The following MICU3 variants were observed in gnomAD, a reference collection of about 807,000 sequenced individuals.
MICU3 encodes the protein calcium uptake protein 3, mitochondrial.
Under a neutral mutation model 66.5 loss-of-function variants are expected in MICU3, and 62 were observed. The observed-to-expected ratio is 0.93, with a 90% CI of 0.76 to 1.15. The LOEUF is 1.15. Ranked by LOEUF, MICU3 falls within the 50% of genes most tolerant of loss-of-function variation. The pLI is 0.00. For missense variants in MICU3, 779 were observed against 664.4 expected, an observed-to-expected ratio of 1.17 and a Z score of -1.90; for synonymous variants, 308 against 240.7, an observed-to-expected ratio of 1.28 and a Z score of -2.59.
At chr8:17,075,401 G>A (rs1820229887) in intron 3 of MICU3, among the ~76,000 whole-genome samples, 2 of 152,132 alleles carry the variant, frequency 1.3e-5, no homozygotes, top group African/African-American at 4.8e-5. Context: ...TTTCTGGTAA[G>A]CAGTTCCCCT....
chr8:17,094,627 C>G (rs904704526), intron 8 of MICU3, among the ~76,000 whole-genome samples: 1 of 151,878 alleles, frequency 6.6e-6, no homozygotes, highest in South Asian at 2.1e-4. Context: ...AAGTGACAGG[C>G]TCTCGCTTGG....
At chr8:17,075,913 T>C (rs1820320469) in intron 3 of MICU3, among the ~76,000 whole-genome samples, 1 of 152,156 alleles carries the variant, frequency 6.6e-6, no homozygotes, top group South Asian at 2.1e-4. Flanking sequence ...ACAGATGAGG[T>C]TGGAAGACAT....
chr8:17,027,845 G>C (rs535766651), intron 1 of MICU3, among the ~76,000 whole-genome samples, 185 bp downstream of exon 1: 6 of 152,336 alleles, frequency 3.9e-5, no homozygotes, highest in East Asian at 1.9e-4. Context: ...GGGAAGACCA[G>C]TGATGCTGTC....
At chr8:17,094,895 C>T (rs1246421879) in intron 8 of MICU3, among the ~76,000 whole-genome samples, 1 of 152,012 alleles carries the variant, frequency 6.6e-6, no homozygotes, top group African/African-American at 2.4e-5. Flanking sequence ...CTCTTAATTT[C>T]TCCTTAACAG....
At chr8:17,057,835 C>CTTA (rs1817182672) in intron 1 of MICU3, among the ~76,000 whole-genome samples, 1 of 150,420 alleles carries the variant, frequency 6.6e-6, no homozygotes, top group Non-Finnish European at 1.5e-5. Context: ...TGTTGTTGTT[C>CTTA]TTGTTGTTGT....
chr8:17,041,897 G>C (rs991348776), intron 1 of MICU3, among the ~76,000 whole-genome samples: 2 of 152,142 alleles, frequency 1.3e-5, no homozygotes, highest in Non-Finnish European at 2.9e-5. Context: ...CATCTTCTCG[G>C]AGCAAGATAC....
At chr8:17,034,238 G>A (rs1812583276) in intron 1 of MICU3, among the ~76,000 whole-genome samples, 1 of 152,178 alleles carries the variant, frequency 6.6e-6, no homozygotes, top group Non-Finnish European at 1.5e-5. Flanking sequence ...TTTACTGATT[G>A]TTTTAAGCTC....
chr8:17,028,292 G>A (rs529546967), intron 1 of MICU3, among the ~76,000 whole-genome samples: 1 of 152,124 alleles, frequency 6.6e-6, no homozygotes, highest in Non-Finnish European at 1.5e-5. Flanking sequence ...AGTAGGTAAC[G>A]ATAAAACACA....
chr8:17,052,373 C>T (rs1174191101), intron 1 of MICU3, among the ~76,000 whole-genome samples: 1 of 152,262 alleles, frequency 6.6e-6, no homozygotes, highest in East Asian at 1.9e-4. Context: ...CAAATCTTCT[C>T]TTCTAGCTAT....
At chr8:17,110,821 C>T (rs374958711) in intron 11 of MICU3, among the ~76,000 whole-genome samples, 45 of 152,026 alleles carry the variant, frequency 3.0e-4, no homozygotes, top group African/African-American at 1.0e-3. Flanking sequence ...AAGTGATCCT[C>T]CCACCTCAAC....
At chr8:17,082,004 A>G (rs756089889) in intron 5 of MICU3, 1 of 288,262 alleles carries the variant, frequency 3.5e-6, no homozygotes, top group Non-Finnish European at 6.5e-6. Flanking sequence ...AATCTACCTC[A>G]GACTCCAAAG....
intron 2 of MICU3, 78 bp from the exon 3 acceptor site, chr8:17,069,610 T>A (rs1819240825): frequency 1.1e-6 from 1 of 893,296 alleles, no homozygotes; most frequent in African/African-American, 1.7e-5. Context: ...TGAGTTATGG[T>A]TGTAGATGGT....
Position 17,039,895 on chromosome 8 carries a change from C to CTTTTTTTTTTT in MICU3, c.381+12254_381+12264dup, listed in dbSNP as rs35133600. On this transcript the variant is annotated intron_variant, in intron 1 of 14. Coordinates refer to ENST00000318063, the MANE Select transcript of MICU3 (RefSeq NM_181723.3). ...ATGAAGGTATCCATCATCTTGCATTCTTTTTTTTTTTTTTTTTTTTTTTTT... is the reference window on the plus strand; with the variant it reads ...ATGAAGGTATCCATCATCTTGCATTCTTTTTTTTTTTTTTTTTTTTTTTTTTTTTTTTTTTT... 3.0e-4 allele frequency among the ~76,000 whole-genome samples: 19 copies of CTTTTTTTTTTT among 62,546 alleles called. 2 individuals carry two copies. Among genetic ancestry groups the CTTTTTTTTTTT allele is most frequent in the Non-Finnish European group, 3.5e-4 (13 of 36,838 alleles). The allele number at this position is 62,546 out of a possible 152,430, so 41.0% of individuals were successfully genotyped here.
At chr8:17,034,865 A>T (rs1812709664) in intron 1 of MICU3, among the ~76,000 whole-genome samples, 4 of 152,376 alleles carry the variant, frequency 2.6e-5, no homozygotes, top group South Asian at 2.1e-4. Flanking sequence ...ATGACAACAA[A>T]GATTTGGAAT....
chr8:17,136,643 C>G, the MICU3 span, among the ~76,000 whole-genome samples: 1 of 152,072 alleles, frequency 6.6e-6, no homozygotes, highest in Non-Finnish European at 1.5e-5. Flanking sequence ...CCTCCCCACC[C>G]TGTCCAGCTA....
chr8:17,076,203 CTGTT>C (rs955983547), intron 3 of MICU3, among the ~76,000 whole-genome samples: 3 of 151,644 alleles, frequency 2.0e-5, no homozygotes, highest in East Asian at 1.9e-4. Flanking sequence ...AATTGTTTGT[CTGTT>C]TGTTTGTTTG....
At chr8:17,091,497 G>T (rs1015507570) in intron 8 of MICU3, among the ~76,000 whole-genome samples, 2 of 152,046 alleles carry the variant, frequency 1.3e-5, no homozygotes, top group African/African-American at 4.8e-5. Flanking sequence ...ATTGTCTCCT[G>T]TATTGGATAG....
chr8:17,077,800 C>G lies in MICU3; in HGVS notation c.585C>G (p.Leu195=), dbSNP rs184515644. Residue 195 remains leucine, a synonymous_variant, in exon 4 of 15, where the codon CTC becomes CTG. Transcript: ENST00000318063. ...SLSKQELNQM[L]AETPPVWKGS... Reference sequence around the variant, plus strand: ...TGTCATAGGAATTAAATCAAATGCTCGCAGAAACACCACCAGTTTGGAAAG... The same window carrying G: ...TGTCATAGGAATTAAATCAAATGCTGGCAGAAACACCACCAGTTTGGAAAG... The G allele has an allele frequency of 9.3e-6, 15 of 1,610,264 alleles. No individual in the cohort carries two copies. The South Asian group carries it at 1.4e-4, about 15-fold the overall frequency.
intron 1 of MICU3, among the ~76,000 whole-genome samples, chr8:17,051,505 A>G (rs1816071731): frequency 6.6e-6 from 1 of 152,220 alleles, no homozygotes; most frequent in African/African-American, 2.4e-5. Context: ...TTGTAGATTT[A>G]AAAGAGGAAA....
Sources: allele counts gnomAD v4.1 joint callset (sites outside exome capture counted in the v4.1 genomes callset), GRCh38; gene constraint gnomAD v4.1.1; transcripts MANE v1.5; gene names NCBI Gene and HGNC (gene_info 2026-07-23, HGNC 2026-07-21).